DOT1L: variants seen among roughly 807,000 people sequenced by gnomAD.
The protein encoded by DOT1L is histone-lysine N-methyltransferase, H3 lysine-79 specific.
A neutral mutation model predicts 153.3 loss-of-function variants in DOT1L; 33 were observed. The observed-to-expected ratio is 0.22, with a 90% CI of 0.16 to 0.29. DOT1L has a LOEUF of 0.29. DOT1L is among the 10% of genes least tolerant of loss of function. The pLI is 1.00. For missense variants in DOT1L, 1,847 were observed against 2,119.9 expected (o/e 0.87, Z 2.53); for synonymous variants, 1,135 against 965.1 (o/e 1.18, Z -3.26).
In DOT1L at chr19:2,230,477, T is replaced by C. The variant is rs750789955; in HGVS notation, c.*685T>C. 145 of 399,126 alleles carry C rather than the reference T, an allele frequency of 3.6e-4. No homozygotes were observed. Among genetic ancestry groups the C allele is most frequent in the Non-Finnish European group, 2.3e-4 (51 of 226,448 alleles). The allele number at this position is 399,126 out of a possible 1,614,324, so 24.7% of individuals were successfully genotyped here. A position where few individuals can be genotyped will look rare whatever the true frequency, so the allele number is the denominator to read the frequency against. On this transcript the variant is annotated 3_prime_UTR_variant, in exon 28 of 28. Transcript: ENST00000398665. ...GCCTGCGCGGTGACGCAGCTGGCCA[T>C]GTGCTGCGCGATGGTGCTGTGAGGA...
chr19:2,183,377 G>T (rs1021640488), intron 2 of DOT1L, among the ~76,000 whole-genome samples: 1 of 152,086 alleles, frequency 6.6e-6, no homozygotes, highest in Non-Finnish European at 1.5e-5. Flanking sequence ...TGCCACCTTG[G>T]CCAGGCTGGT....
rs377185393 is a variant in DOT1L, at chr19:2,211,099, A to G, written c.1352A>G (p.Asp451Gly). ...VSQTAASSPQDAYRSPHSPFY... is the reference protein window; with the variant it reads ...VSQTAASSPQGAYRSPHSPFY... Reference sequence around the variant, plus strand: ...TGACGCCTGCCCTCCGCTCTCCCAGATGCCTACAGATCCCCTCACAGCCCG... The same window carrying G: ...TGACGCCTGCCCTCCGCTCTCCCAGGTGCCTACAGATCCCCTCACAGCCCG... The change falls in exon 15 of 28, where the codon GAT (aspartate) becomes GGT (glycine). Residue 451 changes from aspartate to glycine, a missense_variant and splice_region_variant. Transcript: ENST00000398665. The G allele has an allele frequency of 2.4e-4, 390 of 1,611,926 alleles. No homozygotes were observed. Among genetic ancestry groups the G allele is most frequent in the Non-Finnish European group, 3.2e-4 (376 of 1,178,984 alleles).
chr19:2,223,383 G>A lies in DOT1L; in HGVS notation c.3493G>A (p.Val1165Met), dbSNP rs777384781. The part of the protein sequence containing the change: ...VPYQDHDQPP[V>M]LKKERPLSQT... ...CTACCAGGACCACGACCAGCCCCCC[G>A]TGCTCAAGAAGGAGCGGCCTCTGAG... The change falls in exon 25 of 28, where the codon GTG (valine) becomes ATG (methionine). Residue 1165 changes from valine (V) to methionine (M), a missense_variant. Transcript: ENST00000398665. 8 of 1,613,646 alleles carry A rather than the reference G, an allele frequency of 5.0e-6. No individual in the cohort carries two copies. Among genetic ancestry groups the A allele is most frequent in the East Asian group, 2.2e-5 (1 of 44,896 alleles).
chr19:2,184,101 T>C (rs565053841), intron 2 of DOT1L, among the ~76,000 whole-genome samples: 21 of 152,324 alleles, frequency 1.4e-4, no homozygotes, highest in African/African-American at 5.0e-4. Flanking sequence ...CGGCCGCTCC[T>C]TTCAGGCTCC....
At chr19:2,221,613 A>C in intron 23 of DOT1L, 1 of 292,238 alleles carries the variant, frequency 3.4e-6, no homozygotes. Context: ...CCACGCAGCC[A>C]TGGGCTTTCC....
intron 1 of DOT1L, among the ~76,000 whole-genome samples, chr19:2,176,296 C>A (rs898961670): frequency 2.0e-4 from 30 of 152,124 alleles, no homozygotes; most frequent in African/African-American, 7.0e-4. Flanking sequence ...GGGACAGGGG[C>A]AGTAACTCGG....
rs1452642383 is a variant in DOT1L, at chr19:2,197,684, C to A, written c.652-2200C>A. On this transcript the variant is annotated intron_variant, in intron 7 of 27. Transcript: ENST00000398665. This position sits in a 1 kb window ranked among gnomAD's most constrained non-coding sequence, Gnocchi z 4.1. ...TAGGTGCTCACGGTCAGGCCAGTGG[C>A]TCCTGAGATGTGTCTGGGAGCATGA... Among the ~76,000 whole-genome samples the A allele has an allele frequency of 6.6e-6, 1 of 152,162 alleles. No homozygotes were observed. Among genetic ancestry groups the A allele is most frequent in the African/African-American group, 2.4e-5 (1 of 41,428 alleles).
At chr19:2,192,444 GA>G (rs1354353068) in intron 5 of DOT1L, among the ~76,000 whole-genome samples, 4 of 152,134 alleles carry the variant, frequency 2.6e-5, no homozygotes, top group Non-Finnish European at 5.9e-5. Flanking sequence ...AAAGCAGGCG[GA>G]TCTGAGCTCC....
At chr19:2,225,499 C>T (rs769915143) in intron 26 of DOT1L, 47 bp downstream of exon 26, 73 of 1,595,248 alleles carry the variant, frequency 4.6e-5, no homozygotes, top group African/African-American at 2.2e-4. Context: ...TCCGTGTGGC[C>T]GTGGTGCCCA....
rs752659817 is a variant in DOT1L, at chr19:2,206,817, TTAA to T, written c.856+22_856+24del. Reference sequence around the variant, plus strand: ...TGAGTGGTAAGAAACTCTCATGTTGTTAATGATGAACACGGGTAATTTTAACCA... The same window carrying T: ...TGAGTGGTAAGAAACTCTCATGTTGTTGATGAACACGGGTAATTTTAACCA... On this transcript the variant is annotated intron_variant, in intron 10 of 27. Coordinates refer to ENST00000398665, the MANE Select transcript of DOT1L (RefSeq NM_032482.3). 1.9e-6 allele frequency: 3 copies of T among 1,609,480 alleles called. No individual in the cohort carries two copies. Among genetic ancestry groups the T allele is most frequent in the South Asian group, 1.1e-5 (1 of 90,974 alleles).
At chr19:2,168,252 G>C (rs2020002405) in intron 1 of DOT1L, among the ~76,000 whole-genome samples, 1 of 152,214 alleles carries the variant, frequency 6.6e-6, no homozygotes, top group African/African-American at 2.4e-5. Context: ...AGGATTGCTT[G>C]AGCCCAGGAG....
chr19:2,187,821 C>T (rs927108684), intron 3 of DOT1L, among the ~76,000 whole-genome samples: 1 of 151,296 alleles, frequency 6.6e-6, no homozygotes, highest in Admixed American at 6.6e-5. Context: ...AGTCAGGAGG[C>T]TGAGGCAGGA....
At chr19:2,176,380 C>T (rs1225410289) in intron 1 of DOT1L, among the ~76,000 whole-genome samples, 1 of 152,150 alleles carries the variant, frequency 6.6e-6, no homozygotes, top group East Asian at 1.9e-4. Flanking sequence ...ACGAAACAGG[C>T]GTGGGGCAGA....
chr19:2,227,567 G>T, intron 27 of DOT1L: 1 of 727,224 alleles, frequency 1.4e-6, no homozygotes, highest in South Asian at 1.8e-5. Context: ...GGGGGCCGGA[G>T]GGCGGAGGGC....
chr19:2,217,941 T>C lies in DOT1L; in HGVS notation c.2691+23T>C, dbSNP rs764631700. 6.2e-7 allele frequency: 1 copy of C among 1,607,086 alleles called. No homozygotes were observed. Among genetic ancestry groups the C allele is most frequent in the Non-Finnish European group, 8.5e-7 (1 of 1,178,480 alleles). The stretch of plus-strand genomic sequence containing the variant: ...GCGGTGAGTGGCTCCCAGGTGGCTG[T>C]CCCCAAGGGCCACGTTGAGGCAAAA... On this transcript the variant is annotated intron_variant, in intron 22 of 27. Transcript: ENST00000398665. This position sits in a 1 kb window ranked among gnomAD's most constrained non-coding sequence, Gnocchi z 7.3.
chr19:2,179,620 C>G (rs2022131558), intron 1 of DOT1L, among the ~76,000 whole-genome samples: 1 of 152,144 alleles, frequency 6.6e-6, no homozygotes, highest in Admixed American at 6.5e-5. Context: ...CCAGCCTGAT[C>G]AACATGGAGA....
chr19:2,228,298 G>A (rs779230347), intron 27 of DOT1L: 7 of 1,350,830 alleles, frequency 5.2e-6, no homozygotes, highest in Non-Finnish European at 6.9e-6. Flanking sequence ...GTGTCCCTCG[G>A]CATGCCGCCT....
At chr19:2,221,810 G>A (rs2024126704) in intron 23 of DOT1L, 166 bp from the exon 24 acceptor site, 1 of 693,526 alleles carries the variant, frequency 1.4e-6, no homozygotes. Context: ...TGCCCACAGA[G>A]CCTTCTGGTT....
intron 2 of DOT1L, among the ~76,000 whole-genome samples, chr19:2,183,197 G>A (rs185745803): frequency 3.0e-4 from 45 of 152,306 alleles, no homozygotes; most frequent in Non-Finnish European, 5.6e-4. Context: ...TTGAGTCAGC[G>A]TCTGGCTCTG....
Sources: allele counts gnomAD v4.1 joint callset (sites outside exome capture counted in the v4.1 genomes callset), GRCh38; gene constraint gnomAD v4.1.1; non-coding constraint Gnocchi (gnomAD v3.1); transcripts MANE v1.5; gene names NCBI Gene and HGNC (gene_info 2026-07-23, HGNC 2026-07-21).